The following TNR variants were observed in gnomAD, a reference collection of about 807,000 sequenced individuals.
The protein encoded by TNR is tenascin R, also known as tenascin-R.
Under a neutral mutation model 150.4 loss-of-function variants are expected in TNR, and 45 were observed. The observed-to-expected ratio is 0.30, with a 90% CI of 0.24 to 0.38. The LOEUF (loss-of-function observed/expected upper bound fraction) is 0.38. TNR is among the 10% of genes least tolerant of loss of function. TNR has a pLI of 1.00. For missense variants in TNR, 1,544 were observed against 1,759.1 expected (o/e 0.88, Z 2.19); for synonymous variants, 687 against 678.4 (o/e 1.01, Z -0.20).
chr1:175,389,403 C>A (rs758562006), intron 7 of TNR, among the ~76,000 whole-genome samples: 6 of 152,230 alleles, frequency 3.9e-5, no homozygotes, highest in Non-Finnish European at 7.3e-5. Context: ...CCCTTGAGGA[C>A]CCTCATTCCA....
rs1158232572 is a variant in TNR, at chr1:175,369,720, C to A, written c.1964-2423G>T. 7.9e-5 allele frequency among the ~76,000 whole-genome samples: 12 copies of A among 152,258 alleles called. No individual in the cohort carries two copies. The East Asian group carries it at 2.1e-3, about 27-fold the overall frequency. On this transcript the variant is annotated intron_variant, in intron 9 of 22. Coordinates refer to ENST00000367674, the MANE Select transcript of TNR (RefSeq NM_003285.3). ...GGGCTTTTAGGAGGAATGGGACATC[C>A]TATTACTTCCTTCCACCGCTCAGGG...
At chr1:175,559,123 A>T (rs576052510) in intron 1 of TNR, among the ~76,000 whole-genome samples, 1 of 152,308 alleles carries the variant, frequency 6.6e-6, no homozygotes, top group East Asian at 1.9e-4. Flanking sequence ...TCACTATACA[A>T]ACAAACAAAT....
At chr1:175,684,349 G>A (rs931374937) in intron 1 of TNR, among the ~76,000 whole-genome samples, 2 of 152,192 alleles carry the variant, frequency 1.3e-5, no homozygotes, top group African/African-American at 4.8e-5. Context: ...ACAGTTTAGA[G>A]AGGAGGACAG....
At chr1:175,353,281 C>A (rs530506148) in intron 18 of TNR, among the ~76,000 whole-genome samples, 2 of 152,272 alleles carry the variant, frequency 1.3e-5, no homozygotes, top group African/African-American at 4.8e-5. Context: ...CCAATTTCCT[C>A]ATTTGTAAAA....
At chr1:175,697,816 C>A (rs1424842806) in intron 1 of TNR, among the ~76,000 whole-genome samples, 3 of 152,206 alleles carry the variant, frequency 2.0e-5, no homozygotes, top group Non-Finnish European at 4.4e-5. Context: ...ATGCAAGCAC[C>A]ATTCCATGTG....
chr1:175,495,830 A>C (rs1245008261), intron 2 of TNR, among the ~76,000 whole-genome samples: 1 of 152,232 alleles, frequency 6.6e-6, no homozygotes, highest in African/African-American at 2.4e-5. Flanking sequence ...CATTTCACAT[A>C]GGCAGTCACA....
intron 2 of TNR, among the ~76,000 whole-genome samples, chr1:175,444,997 G>A (rs566892190): frequency 6.6e-6 from 1 of 152,156 alleles, no homozygotes; most frequent in African/African-American, 2.4e-5. Context: ...GCAGCCGGGC[G>A]CGGTGGCTCA....
intron 1 of TNR, among the ~76,000 whole-genome samples, chr1:175,529,705 C>G (rs1325313554): frequency 6.6e-6 from 1 of 152,184 alleles, no homozygotes; most frequent in African/African-American, 2.4e-5. Flanking sequence ...GGGCAGATAG[C>G]TCTGAGACTA....
chr1:175,496,423 T>G (rs1438027138), intron 2 of TNR, among the ~76,000 whole-genome samples: 1 of 152,220 alleles, frequency 6.6e-6, no homozygotes, highest in African/African-American at 2.4e-5. Context: ...AAAATTAAAG[T>G]GCTGGCTGGC....
Position 175,323,183 on chromosome 1 carries a change from G to T in TNR, c.*174C>A, listed in dbSNP as rs574461879. The T allele has an allele frequency of 7.6e-6, 6 of 784,894 alleles. No homozygotes were observed. Among genetic ancestry groups the T allele is most frequent in the East Asian group, 3.0e-5 (1 of 33,098 alleles). 48.6% of individuals were successfully genotyped at this position (784,894 alleles called of 1,614,324 possible). A position where few individuals can be genotyped will look rare whatever the true frequency, so the allele number is the denominator to read the frequency against. ...ATGGAGACTGAGGGTCAGGCTCCAG[G>T]GCAGCAGAAACCAAGAGCAGATGTT... On this transcript the variant is annotated 3_prime_UTR_variant, in exon 23 of 23. Transcript: ENST00000367674.
At chr1:175,580,697 A>G (rs1391254641) in intron 1 of TNR, among the ~76,000 whole-genome samples, 1 of 152,182 alleles carries the variant, frequency 6.6e-6, no homozygotes, top group Non-Finnish European at 1.5e-5. Flanking sequence ...AAGATTGTCC[A>G]TGATATTTTC....
intron 2 of TNR, among the ~76,000 whole-genome samples, chr1:175,475,124 C>T (rs1488341515): frequency 6.6e-6 from 1 of 152,164 alleles, no homozygotes; most frequent in Non-Finnish European, 1.5e-5. Flanking sequence ...GTCACCAAGT[C>T]CTTCCCACCA....
intron 15 of TNR, among the ~76,000 whole-genome samples, chr1:175,359,139 C>CTTTT (rs758610631): frequency 0.099 from 4,136 of 41,912 alleles, 950 homozygotes; most frequent in African/African-American, 0.14. Flanking sequence ...GGGATATCTT[C>CTTTT]TTTTTTTTTT....
chr1:175,449,993 G>A (rs996015206), intron 2 of TNR, among the ~76,000 whole-genome samples: 1 of 152,144 alleles, frequency 6.6e-6, no homozygotes, highest in Non-Finnish European at 1.5e-5. Context: ...CAGGCTCACT[G>A]TCCCACCATG....
intron 1 of TNR, among the ~76,000 whole-genome samples, chr1:175,670,509 A>G (rs1306243601): frequency 1.3e-5 from 2 of 152,214 alleles, no homozygotes; most frequent in East Asian, 1.9e-4. Context: ...TTGCTTGTAC[A>G]TTTACTTATT....
intron 2 of TNR, among the ~76,000 whole-genome samples, chr1:175,510,848 T>G (rs1659142457): frequency 6.6e-6 from 1 of 152,196 alleles, no homozygotes; most frequent in Admixed American, 6.5e-5. Flanking sequence ...GGCAGATTGT[T>G]TTTCTAGAAA....
rs188687770 is a variant in TNR, at chr1:175,701,927, G to T, written c.-165+41299C>A. Among the ~76,000 whole-genome samples, 44 of 152,294 alleles carry T rather than the reference G, an allele frequency of 2.9e-4. No individual in the cohort carries two copies. In the East Asian group the frequency reaches 8.1e-3, roughly 28 times the overall value. Reference sequence around the variant, plus strand: ...CTTAAGCCGCATCTCCTTTCTCCAGGTTAGAGGCTCCAGAACACAGATATT... The same window carrying T: ...CTTAAGCCGCATCTCCTTTCTCCAGTTTAGAGGCTCCAGAACACAGATATT... On this transcript the variant is annotated intron_variant, in intron 1 of 22. Transcript: ENST00000367674.
intron 1 of TNR, among the ~76,000 whole-genome samples, chr1:175,550,572 C>A (rs924416662): frequency 6.6e-6 from 1 of 151,006 alleles, no homozygotes; most frequent in African/African-American, 2.4e-5. Flanking sequence ...AGAAATGAAG[C>A]TGATAATGCT....
intron 1 of TNR, among the ~76,000 whole-genome samples, chr1:175,663,136 C>G (rs1665426959): frequency 6.6e-6 from 1 of 152,160 alleles, no homozygotes; most frequent in Middle Eastern, 3.2e-3. Flanking sequence ...GTCAAGGAAC[C>G]ATTAGAATCC....
Sources: gnomAD v4.1 joint callset for allele counts (sites outside exome capture counted in the v4.1 genomes callset) on GRCh38, gnomAD v4.1.1 for gene constraint, MANE v1.5 for transcripts, NCBI Gene and HGNC (gene_info 2026-07-23, HGNC 2026-07-21) for gene names.